Variants in SLC7A2 observed in about 807,000 individuals in gnomAD.
The protein encoded by SLC7A2 is cationic amino acid transporter 2.
In SLC7A2, 48 loss-of-function variants were observed where a neutral mutation model predicts 58.9. The observed-to-expected ratio is 0.82, with a 90% CI of 0.65 to 1.04. The LOEUF is 1.04. Among genes scored for constraint, SLC7A2 ranks in the 50% least tolerant of loss-of-function variants. The pLI is 0.00. For synonymous variants in SLC7A2, 363 were observed against 314.5 expected (o/e 1.15, Z -1.63); for missense variants, 1,029 against 818.8 (o/e 1.26, Z -3.13).
At chr8:17,497,298 G>C (rs1266312772) in intron 1 of SLC7A2, 61 bp downstream of exon 1, 1 of 152,290 alleles carries the variant, frequency 6.6e-6, no homozygotes, top group Non-Finnish European at 1.5e-5. Flanking sequence ...CCCGGACGCT[G>C]GGGCCGGCGG....
chr8:17,542,368 G>A (rs765147964), intron 2 of SLC7A2, among the ~76,000 whole-genome samples: 1 of 152,224 alleles, frequency 6.6e-6, no homozygotes, highest in African/African-American at 2.4e-5. Context: ...TGAAAAATCT[G>A]GGCCAGGCAT....
At chr8:17,522,441 G>A (rs140479860) in intron 2 of SLC7A2, among the ~76,000 whole-genome samples, 1 of 152,242 alleles carries the variant, frequency 6.6e-6, no homozygotes, top group East Asian at 1.9e-4. Flanking sequence ...ACAAGAAGCA[G>A]GACTGAACCT....
At chr8:17,541,896 G>A (rs1317335511) in intron 2 of SLC7A2, among the ~76,000 whole-genome samples, 2 of 151,990 alleles carry the variant, frequency 1.3e-5, no homozygotes, top group Non-Finnish European at 1.5e-5. Flanking sequence ...TTCACACCTT[G>A]TTTTATAACC....
intron 12 of SLC7A2, 148 bp downstream of exon 12, chr8:17,563,859 G>A: frequency 1.7e-6 from 1 of 595,776 alleles, no homozygotes; most frequent in Non-Finnish European, 3.0e-6. Context: ...TTTTCCAGAT[G>A]TTTTCAGATG....
rs1803441357 is a variant in SLC7A2, at chr8:17,570,053, C to T, written c.*4907C>T. ...ATCAAGATGAATAAGGACCAAGGGA[C>T]CTCTGTGACTCATAGAAGGGCTGGC... On this transcript the variant is annotated 3_prime_UTR_variant, in exon 13 of 13. Transcript: ENST00000494857. The T allele has an allele frequency of 6.6e-6, 1 of 152,142 alleles. No homozygotes were observed. Among genetic ancestry groups the T allele is most frequent in the South Asian group, 2.1e-4 (1 of 4,826 alleles). 9.4% of individuals were successfully genotyped at this position (152,142 alleles called of 1,614,324 possible). A position where few individuals can be genotyped will look rare whatever the true frequency, so the allele number is the denominator to read the frequency against.
intron 2 of SLC7A2, among the ~76,000 whole-genome samples, chr8:17,524,561 A>T (rs1264447471): frequency 1.3e-5 from 2 of 152,100 alleles, no homozygotes; most frequent in Non-Finnish European, 2.9e-5. Context: ...TCAGGAATGG[A>T]AACCCAAACA....
chr8:17,553,470 C>T (rs939204252), intron 7 of SLC7A2, among the ~76,000 whole-genome samples: 6 of 152,100 alleles, frequency 3.9e-5, no homozygotes, highest in Admixed American at 3.9e-4. Context: ...TCAACAGAGC[C>T]TTATTAAAGA....
intron 2 of SLC7A2, among the ~76,000 whole-genome samples, chr8:17,525,390 A>G (rs1801183155): frequency 6.6e-6 from 1 of 152,206 alleles, no homozygotes; most frequent in Non-Finnish European, 1.5e-5. Context: ...AAGCTCTAGA[A>G]TCTGAAACAA....
intron 1 of SLC7A2, among the ~76,000 whole-genome samples, chr8:17,501,580 T>C (rs74632439): frequency 0.071 from 10,812 of 152,166 alleles, 549 homozygotes; most frequent in Non-Finnish European, 0.1. Flanking sequence ...ATGTGATGTG[T>C]TGTGGAAAAT....
At chr8:17,496,167 C>G (rs1799952727), upstream of SLC7A2, among the ~76,000 whole-genome samples, 1 of 152,134 alleles carries the variant, frequency 6.6e-6, no homozygotes, top group Non-Finnish European at 1.5e-5. Context: ...GTGGCTCAAG[C>G]CTGTAATTCT....
At chr8:17,537,313 A>G (rs1801711632) in intron 2 of SLC7A2, among the ~76,000 whole-genome samples, 1 of 152,012 alleles carries the variant, frequency 6.6e-6, no homozygotes. Context: ...AAGCCTCCCA[A>G]AGTGCTGGGA....
chr8:17,559,644 T>A (rs1485843034), intron 9 of SLC7A2, among the ~76,000 whole-genome samples: 1 of 152,214 alleles, frequency 6.6e-6, no homozygotes, highest in African/African-American at 2.4e-5. Context: ...GAGAACAGCA[T>A]GAGGGTAACC....
chr8:17,550,452 G>C lies in SLC7A2; in HGVS notation c.832+18G>C. 1.2e-6 allele frequency: 2 copies of C among 1,609,586 alleles called. No homozygotes were observed. Among genetic ancestry groups the C allele is most frequent in the East Asian group, 4.5e-5 (2 of 44,768 alleles). ...AACAACTGGTAAGAGCAGTGTCTTG[G>C]CTCAGTGTAGAAGGAGTGTTCCTTG... is the stretch of plus-strand genomic sequence containing the variant. On this transcript the variant is annotated intron_variant, in intron 6 of 12. Transcript: ENST00000494857.
rs1050444163 is a variant in SLC7A2 at position 17,548,310 on chromosome 8, C to G, written c.533-368C>G. On this transcript the variant is annotated intron_variant, in intron 4 of 12. Coordinates refer to ENST00000494857, the MANE Select transcript of SLC7A2 (RefSeq NM_001370338.1). ...GAGCCGAGATCATACCACTGCACTT[C>G]TGCCAGGGAAACAGAGCGAGACTCT... is the stretch of plus-strand genomic sequence containing the variant. Among the ~76,000 whole-genome samples the G allele has an allele frequency of 5.3e-5, 8 of 152,200 alleles. No homozygotes were observed. In the East Asian group the frequency reaches 1.5e-3, roughly 29 times the overall value.
At position 17,551,989 on chromosome 8, in the gene SLC7A2, A is replaced by G. The variant is rs765096066; in HGVS notation, c.1055+3A>G. 9 of 1,613,094 alleles carry G rather than the reference A, an allele frequency of 5.6e-6. No individual in the cohort carries two copies. The African/African-American group carries it at 9.3e-5, about 17-fold the overall frequency. On this transcript the variant is annotated splice_donor_region_variant and intron_variant, in intron 7 of 12. Coordinates refer to ENST00000494857, the MANE Select transcript of SLC7A2 (RefSeq NM_001370338.1). ...TCTCTCTGCGCCTTGTCAACAAGGT[A>G]CATTGCATCGCCTTTGGGGCACGGG...
chr8:17,565,351 A>C lies in SLC7A2; in HGVS notation c.*205A>C. 1.8e-6 allele frequency: 1 copy of C among 550,058 alleles called. No individual in the cohort carries two copies. The allele number at this position is 550,058 out of a possible 1,614,324, so 34.1% of individuals were successfully genotyped here. On this transcript the variant is annotated 3_prime_UTR_variant, in exon 13 of 13. Coordinates refer to ENST00000494857, the MANE Select transcript of SLC7A2 (RefSeq NM_001370338.1). ...AACCTCCTGAGTGGAAGTTTCATTC[A>C]TCAGTGATGAATAGCCCCCAAACAG... is the stretch of plus-strand genomic sequence containing the variant.
chr8:17,519,577 A>G (rs1800934222), intron 2 of SLC7A2, among the ~76,000 whole-genome samples: 2 of 152,006 alleles, frequency 1.3e-5, no homozygotes, highest in African/African-American at 4.8e-5. Context: ...GCTGTGGAGT[A>G]TTGGGTTCTT....
In SLC7A2 at chr8:17,548,832, A is replaced by T. The variant is rs929369806; in HGVS notation, c.687A>T (p.Ser229=). 3 of 1,597,164 alleles carry T rather than the reference A, an allele frequency of 1.9e-6. No homozygotes were observed. The highest frequency in any genetic ancestry group is 2.6e-6 in the Non-Finnish European group (3 of 1,176,150). ...GTGAAGAGTTTCTCAAAAATATATC[A>T]GCAAGTGCCAGGTAAAATATTTGAG... ...KISEEFLKNI[S]ASAREPPSEN... Residue 229 remains serine (S), a synonymous_variant, in exon 5 of 13, where the codon TCA becomes TCT. Coordinates refer to ENST00000494857, the MANE Select transcript of SLC7A2 (RefSeq NM_001370338.1).
intron 9 of SLC7A2, 62 bp from the exon 10 acceptor site, chr8:17,560,266 T>C: frequency 1.6e-6 from 2 of 1,287,792 alleles, no homozygotes; most frequent in Non-Finnish European, 1.1e-6. Flanking sequence ...TTTTAGGTGC[T>C]GGTTTCACTT....
Sources: gnomAD v4.1 joint callset for allele counts (sites outside exome capture counted in the v4.1 genomes callset) on GRCh38, gnomAD v4.1.1 for gene constraint, MANE v1.5 for transcripts, NCBI Gene and HGNC (gene_info 2026-07-23, HGNC 2026-07-21) for gene names.